Variants in KSR2 observed in about 807,000 individuals in gnomAD.
KSR2 encodes kinase suppressor of ras 2.
A neutral mutation model predicts 107.8 loss-of-function variants in KSR2; 25 were observed. That is an observed-to-expected ratio of 0.23 (90% confidence interval 0.17 to 0.32). The LOEUF is 0.32. KSR2 is among the 10% of genes least tolerant of loss of function. KSR2 has a pLI of 1.00. For missense variants in KSR2, 887 were observed against 1,268.9 expected (o/e 0.70, Z 4.57); for synonymous variants, 480 against 507.0 (o/e 0.95, Z 0.71).
intron 5 of KSR2, among the ~76,000 whole-genome samples, chr12:117,658,466 T>C (rs1039071106): frequency 1.3e-5 from 2 of 152,224 alleles, no homozygotes; most frequent in African/African-American, 4.8e-5. Context: ...AGTCAAGTTC[T>C]ACTGAAACAC....
At chr12:117,471,142 G>A (rs750971124) in intron 18 of KSR2, 49 bp downstream of exon 18, 3 of 1,604,710 alleles carry the variant, frequency 1.9e-6, no homozygotes, top group South Asian at 2.2e-5. Context: ...CCATGACTGT[G>A]TCTGTGTCTC....
intron 1 of KSR2, among the ~76,000 whole-genome samples, chr12:117,940,772 G>T (rs1895983060): frequency 6.6e-6 from 1 of 152,116 alleles, no homozygotes; most frequent in East Asian, 1.9e-4. Context: ...TGTTTTGTGT[G>T]AAAAATTTCA....
intron 7 of KSR2, among the ~76,000 whole-genome samples, chr12:117,572,437 G>A (rs775526876): frequency 6.6e-6 from 1 of 152,122 alleles, no homozygotes; most frequent in Non-Finnish European, 1.5e-5. Context: ...CCTTGATCCC[G>A]AGATAGGTGG....
chr12:117,537,525 G>T (rs1351052623), intron 10 of KSR2, among the ~76,000 whole-genome samples: 1 of 152,186 alleles, frequency 6.6e-6, no homozygotes, highest in African/African-American at 2.4e-5. Context: ...ATTATCTAAG[G>T]TGGGTACTAT....
chr12:117,781,963 A>C (rs1889903572), intron 3 of KSR2, among the ~76,000 whole-genome samples: 1 of 152,234 alleles, frequency 6.6e-6, no homozygotes, highest in Non-Finnish European at 1.5e-5. Flanking sequence ...AAGTGGAACT[A>C]AGCATGTTTA....
chr12:117,928,988 G>A (rs779311348), intron 1 of KSR2, among the ~76,000 whole-genome samples: 15 of 152,082 alleles, frequency 9.9e-5, no homozygotes, highest in Non-Finnish European at 1.6e-4. Context: ...AAAACACTTC[G>A]CCTTAAGGCA....
chr12:117,807,962 AC>A lies in KSR2; in HGVS notation c.473-46439del, dbSNP rs1221821687. ...GAGCTCCTACAAATTTATGGTCTGC[AC>A]CATTCAGGAGGTAATAAATTGCACT... On this transcript the variant is annotated intron_variant, in intron 3 of 19. Transcript: ENST00000339824. Among the ~76,000 whole-genome samples the A allele has an allele frequency of 2.0e-5, 3 of 152,368 alleles. No individual in the cohort carries two copies. In the East Asian group the frequency reaches 5.8e-4, roughly 29 times the overall value.
At chr12:117,948,458 C>T (rs1316888814) in intron 1 of KSR2, among the ~76,000 whole-genome samples, 1 of 151,032 alleles carries the variant, frequency 6.6e-6, no homozygotes, top group Non-Finnish European at 1.5e-5. Flanking sequence ...CCATTGCACT[C>T]CAGGCAGGGT....
chr12:117,539,782 G>A lies in KSR2; in HGVS notation c.1624C>T (p.Pro542Ser). 1.2e-6 allele frequency: 2 copies of A among 1,607,636 alleles called. No individual in the cohort carries two copies. Among genetic ancestry groups the A allele is most frequent in the Non-Finnish European group, 1.7e-6 (2 of 1,178,036 alleles). Reference protein sequence around the residue: ...PAPPLPPSATPPSPLHPSPQC... With the variant: ...PAPPLPPSATSPSPLHPSPQC... ...GGGGAAGGGTGTAGGGGAGAAGGCG[G>A]CGTGGCACTAGGAGGGAGGGGGGGT... The change falls in exon 10 of 20, where the codon CCG (proline) becomes TCG (serine). Residue 542 changes from proline to serine, a missense_variant. Transcript: ENST00000339824.
intron 4 of KSR2, among the ~76,000 whole-genome samples, chr12:117,693,845 C>A (rs889796035): frequency 6.6e-6 from 1 of 152,182 alleles, no homozygotes; most frequent in Non-Finnish European, 1.5e-5. Flanking sequence ...GTTGTCTGCC[C>A]ACTGAGCAGT....
At chr12:117,541,119 G>A (rs1876454832) in intron 9 of KSR2, among the ~76,000 whole-genome samples, 1 of 151,732 alleles carries the variant, frequency 6.6e-6, no homozygotes, top group African/African-American at 2.4e-5. Flanking sequence ...AGGCAGGGGG[G>A]AACAGTAGCT....
chr12:117,465,544 C>A lies in KSR2; in HGVS notation c.*1655G>T, dbSNP rs1444762941. 6.6e-6 allele frequency: 1 copy of A among 152,186 alleles called. No homozygotes were observed. The highest frequency in any genetic ancestry group is 1.5e-5 in the Non-Finnish European group (1 of 68,058). The allele number at this position is 152,186 out of a possible 1,614,324, so 9.4% of individuals were successfully genotyped here. A position where few individuals can be genotyped will look rare whatever the true frequency, so the allele number is the denominator to read the frequency against. ...GCAGGTTTGGCCCCCAGAGCATGAA[C>A]CAGTCTGGGAGTCACCCAAGGTGGG... On this transcript the variant is annotated 3_prime_UTR_variant, in exon 20 of 20. Coordinates refer to ENST00000339824, the MANE Select transcript of KSR2 (RefSeq NM_173598.6).
At chr12:117,880,713 C>CTTTT (rs545456495) in intron 1 of KSR2, among the ~76,000 whole-genome samples, 5 of 116,724 alleles carry the variant, frequency 4.3e-5, no homozygotes, top group Middle Eastern at 3.9e-3. Context: ...TTGCCAGATT[C>CTTTT]TTTTTTTTTT....
chr12:117,539,575 A>T, intron 10 of KSR2, 144 bp downstream of exon 10: 1 of 713,430 alleles, frequency 1.4e-6, no homozygotes, highest in Non-Finnish European at 2.2e-6. Context: ...CAGTCCACAT[A>T]CTTCCTTGCC....
At chr12:117,781,925 G>A (rs57882948) in intron 3 of KSR2, among the ~76,000 whole-genome samples, 1,752 of 152,186 alleles carry the variant, frequency 0.012, 48 homozygotes, top group African/African-American at 0.039. Flanking sequence ...TAATTAAACC[G>A]TTGAAACTGA....
At chr12:117,599,720 G>A (rs1465595730) in intron 5 of KSR2, among the ~76,000 whole-genome samples, 1 of 152,076 alleles carries the variant, frequency 6.6e-6, no homozygotes, top group African/African-American at 2.4e-5. Context: ...CATTTCCCCA[G>A]ACTGAAAACC....
chr12:117,491,807 G>C (rs959856122), intron 14 of KSR2, among the ~76,000 whole-genome samples: 1 of 152,196 alleles, frequency 6.6e-6, no homozygotes, highest in Non-Finnish European at 1.5e-5. Context: ...TGGAGGCTAT[G>C]TTCTTAAAAT....
intron 4 of KSR2, among the ~76,000 whole-genome samples, chr12:117,688,180 T>G (rs546148119): frequency 6.6e-6 from 1 of 152,256 alleles, no homozygotes; most frequent in Admixed American, 6.5e-5. Context: ...AGGAGTTCGA[T>G]ACCAGCCTGG....
chr12:117,733,176 G>C (rs1267564048), intron 4 of KSR2, among the ~76,000 whole-genome samples: 1 of 152,058 alleles, frequency 6.6e-6, no homozygotes, highest in East Asian at 1.9e-4. Flanking sequence ...CCATTCTAGG[G>C]GGCTTCCTAC....
Sources: gnomAD v4.1 joint callset for allele counts (sites outside exome capture counted in the v4.1 genomes callset) on GRCh38, gnomAD v4.1.1 for gene constraint, MANE v1.5 for transcripts, NCBI Gene and HGNC (gene_info 2026-07-23, HGNC 2026-07-21) for gene names.